TMEM135: variants seen among roughly 807,000 people sequenced by gnomAD.
The protein encoded by TMEM135 is peroxisomal membrane protein 52.
Under a neutral mutation model 60.3 loss-of-function variants are expected in TMEM135, and 30 were observed. The observed-to-expected ratio is 0.50, with a 90% confidence interval of 0.37 to 0.68. The LOEUF (loss-of-function observed/expected upper bound fraction) is 0.68. Among genes scored for constraint, TMEM135 ranks in the 30% least tolerant of loss-of-function variants. The probability of loss-of-function intolerance (pLI) is 0.00; values close to 1 mark genes in which losing one functional copy is unlikely to be tolerated. For synonymous variants in TMEM135, 190 were observed against 186.7 expected, an observed-to-expected ratio of 1.02 and a Z score of -0.14; for missense variants, 468 against 548.8, an observed-to-expected ratio of 0.85 and a Z score of 1.47.
intron 4 of TMEM135, among the ~76,000 whole-genome samples, chr11:87,145,553 A>G (rs561131627): frequency 6.6e-6 from 1 of 152,240 alleles, no homozygotes; most frequent in African/African-American, 2.4e-5. Context: ...CACCAAGAGT[A>G]TATAAAGGTT....
At position 87,227,769 on chromosome 11, in the gene TMEM135, G is replaced by T. The variant is rs961039456; in HGVS notation, c.463-8869G>T. Among the ~76,000 whole-genome samples, 5 of 152,242 alleles carry T rather than the reference G, an allele frequency of 3.3e-5. No homozygotes were observed. In the South Asian group the frequency reaches 6.2e-4, roughly 19 times the overall value. ...AATAATACTTACTTGTTCAGTAAGA[G>T]CTGTATTCACAAAGAGACCATGCAA... On this transcript the variant is annotated intron_variant, in intron 5 of 14. Transcript: ENST00000305494.
chr11:87,184,879 C>T (rs954558382), intron 5 of TMEM135, among the ~76,000 whole-genome samples: 1 of 152,068 alleles, frequency 6.6e-6, no homozygotes, highest in African/African-American at 2.4e-5. Context: ...GGCAAACATC[C>T]TGTTTGCTAA....
At chr11:87,198,644 C>G (rs1023464268) in intron 5 of TMEM135, among the ~76,000 whole-genome samples, 5 of 147,746 alleles carry the variant, frequency 3.4e-5, no homozygotes, top group African/African-American at 1.2e-4. Context: ...TCCCTCTCTT[C>G]TCTTTTCCCT....
chr11:87,291,777 A>G (rs1418769290), intron 6 of TMEM135, among the ~76,000 whole-genome samples: 2 of 151,960 alleles, frequency 1.3e-5, no homozygotes, highest in South Asian at 2.1e-4. Context: ...TCCTAACCTC[A>G]GGTGATCCAC....
chr11:87,055,594 T>G (rs1268804675), intron 1 of TMEM135, among the ~76,000 whole-genome samples: 5 of 144,114 alleles, frequency 3.5e-5, no homozygotes, highest in African/African-American at 1.3e-4. Flanking sequence ...GTTAAGCATC[T>G]TTTTTTTTTT....
At chr11:87,088,574 A>G (rs1354604970) in intron 3 of TMEM135, among the ~76,000 whole-genome samples, 2 of 152,228 alleles carry the variant, frequency 1.3e-5, no homozygotes, top group African/African-American at 4.8e-5. Flanking sequence ...TGTTTTAAGC[A>G]AAAAGTTAAA....
At chr11:87,069,778 C>T (rs1468374947) in intron 2 of TMEM135, among the ~76,000 whole-genome samples, 1 of 152,154 alleles carries the variant, frequency 6.6e-6, no homozygotes, top group Non-Finnish European at 1.5e-5. Context: ...ATATTGGAGT[C>T]TTCACAGGTG....
At chr11:87,041,904 A>G (rs370445136) in intron 1 of TMEM135, among the ~76,000 whole-genome samples, 20 of 152,186 alleles carry the variant, frequency 1.3e-4, no homozygotes, top group African/African-American at 3.9e-4. Context: ...ACTTCTTTAT[A>G]CTTCTAGGTT....
rs919768969 is a variant in TMEM135, at chr11:87,129,521, G to C, written c.397-27820G>C. 6.8e-5 allele frequency among the ~76,000 whole-genome samples: 10 copies of C among 147,176 alleles called. No homozygotes were observed. The East Asian group carries it at 8.1e-4, about 12-fold the overall frequency. On this transcript the variant is annotated intron_variant, in intron 4 of 14. Transcript: ENST00000305494. ...GCCTCCCAAAGTGCTGGGATTACAGGCGTGATCCACCATGCTTGGCCAATT... is the reference window on the plus strand; with the variant it reads ...GCCTCCCAAAGTGCTGGGATTACAGCCGTGATCCACCATGCTTGGCCAATT...
chr11:87,181,570 T>C (rs1939516682), intron 5 of TMEM135, among the ~76,000 whole-genome samples: 1 of 152,092 alleles, frequency 6.6e-6, no homozygotes, highest in African/African-American at 2.4e-5. Context: ...TCAGTGTTTG[T>C]CAGAGATTGG....
At position 87,322,304 on chromosome 11, in the gene TMEM135, T is replaced by C. The variant is rs571901495; in HGVS notation, c.*971T>C. 2.8e-4 allele frequency: 126 copies of C among 454,114 alleles called. 3 individuals carry two copies. The highest frequency in any genetic ancestry group is 3.2e-4 in the Non-Finnish European group (72 of 226,738). The allele number at this position is 454,114 out of a possible 1,614,324, so 28.1% of individuals were successfully genotyped here. On this transcript the variant is annotated 3_prime_UTR_variant, in exon 15 of 15. Coordinates refer to ENST00000305494, the MANE Select transcript of TMEM135 (RefSeq NM_022918.4). ...TCAGCTGTTTAACTTATGTAATGGA[T>C]GTTTTGCACCTGAAAACACTATAAA...
At chr11:87,099,547 G>A (rs2135181318) in intron 4 of TMEM135, among the ~76,000 whole-genome samples, 1 of 151,892 alleles carries the variant, frequency 6.6e-6, no homozygotes, top group South Asian at 2.1e-4. Context: ...CTTAACCCCT[G>A]TTCATGGTTT....
At chr11:87,099,271 A>G (rs1042606335) in intron 4 of TMEM135, among the ~76,000 whole-genome samples, 6 of 152,118 alleles carry the variant, frequency 3.9e-5, no homozygotes, top group Non-Finnish European at 8.8e-5. Context: ...TTTGACTTTG[A>G]TATTATTGAT....
intron 6 of TMEM135, among the ~76,000 whole-genome samples, chr11:87,285,027 T>C (rs993643271): frequency 3.3e-5 from 5 of 152,212 alleles, no homozygotes; most frequent in Non-Finnish European, 7.3e-5. Flanking sequence ...ATTTAACCTA[T>C]TGGAATATAC....
intron 4 of TMEM135, among the ~76,000 whole-genome samples, chr11:87,136,919 A>G (rs1938118049): frequency 6.6e-6 from 1 of 152,014 alleles, no homozygotes; most frequent in Non-Finnish European, 1.5e-5. Flanking sequence ...TGTTTTAGGA[A>G]ATGCCTTGTG....
At position 87,100,859 on chromosome 11, in the gene TMEM135, C is replaced by CA. The variant is rs201114421; in HGVS notation, c.396+9474dup. Among the ~76,000 whole-genome samples, 558 of 144,070 alleles carry CA rather than the reference C, an allele frequency of 3.9e-3. 30 individuals carry two copies. In the East Asian group the frequency reaches 0.084, roughly 22 times the overall value. The allele number at this position is 144,070 out of a possible 152,430, so 94.5% of individuals were successfully genotyped here. A position where few individuals can be genotyped will look rare whatever the true frequency, so the allele number is the denominator to read the frequency against. On this transcript the variant is annotated intron_variant, in intron 4 of 14. Coordinates refer to ENST00000305494, the MANE Select transcript of TMEM135 (RefSeq NM_022918.4). ...CCTTTGCAACAGAGCAATACTGTCT[C>CA]AAAAAAAAAAGAGCTTTAAGAAAAA...
At chr11:87,091,545 C>G in intron 4 of TMEM135, 150 bp downstream of exon 4, 1 of 755,682 alleles carries the variant, frequency 1.3e-6, no homozygotes, top group Non-Finnish European at 2.2e-6. Flanking sequence ...TTCAAAAAAG[C>G]CTTGATACCA....
In TMEM135 at chr11:87,323,136, T is replaced by A. The variant is rs1256261753; in HGVS notation, c.*1803T>A. 1 of 454,118 alleles carries A rather than the reference T, an allele frequency of 2.2e-6. No individual in the cohort carries two copies. Among genetic ancestry groups the A allele is most frequent in the Admixed American group, 2.4e-5 (1 of 42,540 alleles). The allele number at this position is 454,118 out of a possible 1,614,324, so 28.1% of individuals were successfully genotyped here. On this transcript the variant is annotated 3_prime_UTR_variant, in exon 15 of 15. Coordinates refer to ENST00000305494, the MANE Select transcript of TMEM135 (RefSeq NM_022918.4). ...TTTCATTGACATTAAAAGACTGTGA[T>A]ATTGAAAGATGAATTACGAAATTTG...
intron 5 of TMEM135, among the ~76,000 whole-genome samples, chr11:87,216,722 A>AC (rs1255645525): frequency 3.3e-5 from 5 of 152,250 alleles, no homozygotes; most frequent in Admixed American, 6.5e-5. Context: ...CAGTTAAACC[A>AC]TAAGCACTTT....
Sources: allele counts gnomAD v4.1 joint callset (sites outside exome capture counted in the v4.1 genomes callset), GRCh38; gene constraint gnomAD v4.1.1; transcripts MANE v1.5; gene names NCBI Gene and HGNC (gene_info 2026-07-23, HGNC 2026-07-21).